The following WDR41 variants were observed in gnomAD, a reference collection of about 807,000 sequenced individuals.
WDR41 encodes the protein WD repeat-containing protein 41.
In WDR41, 63 loss-of-function variants were observed where a neutral mutation model predicts 69.3. The observed-to-expected ratio is 0.91, with a 90% CI of 0.74 to 1.12. The LOEUF is 1.12. Among genes scored for constraint, WDR41 ranks in the 50% most tolerant of loss-of-function variants. WDR41 has a pLI of 0.00. For synonymous variants in WDR41, 185 were observed against 192.1 expected (o/e 0.96, Z 0.31); for missense variants, 543 against 534.5 (o/e 1.02, Z -0.16).
At chr5:77,510,766 A>ATTTTTTTTTTTTTTTTTTTTTTTTTTT (rs58752727) in intron 1 of WDR41, among the ~76,000 whole-genome samples, 1 of 99,588 alleles carries the variant, frequency 1.0e-5, no homozygotes. Context: ...TCCAAATTCA[A>ATTTTTTTTTTTTTTTTTTTTTTTTTTT]TTTTTTTTTT....
At chr5:77,518,658 T>C (rs1443385849) in intron 1 of WDR41, among the ~76,000 whole-genome samples, 2 of 152,148 alleles carry the variant, frequency 1.3e-5, no homozygotes, top group Non-Finnish European at 2.9e-5. Flanking sequence ...TTAATTTGTT[T>C]ATTTATTCAT....
At chr5:77,548,114 C>T (rs1743230311) in intron 1 of WDR41, among the ~76,000 whole-genome samples, 1 of 152,140 alleles carries the variant, frequency 6.6e-6, no homozygotes, top group African/African-American at 2.4e-5. Context: ...TCATATCTCA[C>T]CTTATACAAA....
chr5:77,588,824 C>T (rs187552385), intron 1 of WDR41, among the ~76,000 whole-genome samples: 16 of 152,214 alleles, frequency 1.1e-4, no homozygotes, highest in East Asian at 1.9e-4. Flanking sequence ...ATTGTTGATT[C>T]GTTAACAATA....
At chr5:77,549,269 A>G (rs1743255187) in intron 1 of WDR41, among the ~76,000 whole-genome samples, 1 of 152,210 alleles carries the variant, frequency 6.6e-6, no homozygotes, top group Non-Finnish European at 1.5e-5. Flanking sequence ...CTGTTCCCCA[A>G]TAACCTATGG....
intron 1 of WDR41, among the ~76,000 whole-genome samples, chr5:77,597,999 A>G (rs1055105677): frequency 2.0e-5 from 3 of 152,222 alleles, no homozygotes; most frequent in African/African-American, 7.2e-5. Flanking sequence ...GAAATTGGGC[A>G]GTGACTTAAC....
At chr5:77,572,062 T>C (rs543889609) in intron 1 of WDR41, among the ~76,000 whole-genome samples, 1 of 151,904 alleles carries the variant, frequency 6.6e-6, no homozygotes, top group Admixed American at 6.6e-5. Context: ...ATGAAACCAA[T>C]CTTGAAAAAC....
At chr5:77,525,272 A>G (rs1207859335) in intron 1 of WDR41, among the ~76,000 whole-genome samples, 1 of 152,242 alleles carries the variant, frequency 6.6e-6, no homozygotes, top group African/African-American at 2.4e-5. Flanking sequence ...ATGAAATTAA[A>G]TTAAATGTCA....
rs553576537 is a variant in WDR41 at position 77,523,911 on chromosome 5, A to T, written c.43-34339T>A. 1.4e-3 allele frequency among the ~76,000 whole-genome samples: 212 copies of T among 152,352 alleles called. 1 individual carries two copies. The highest frequency in any genetic ancestry group is 4.7e-3 in the Admixed American group (72 of 15,304). On this transcript the variant is annotated intron_variant, in intron 1 of 5. Transcript: ENST00000509971. Reference sequence around the variant, plus strand: ...GAACTAAGAGGATTTGAATTATCTGATCCTTTTATTAAAGAGAAAGGGAGC... The same window carrying T: ...GAACTAAGAGGATTTGAATTATCTGTTCCTTTTATTAAAGAGAAAGGGAGC...
chr5:77,515,788 A>G (rs553117188), intron 1 of WDR41, among the ~76,000 whole-genome samples: 2 of 152,330 alleles, frequency 1.3e-5, no homozygotes, highest in African/African-American at 2.4e-5. Context: ...ATAGGATTAT[A>G]TTTATTGAGA....
chr5:77,513,732 T>C (rs1248867669), intron 1 of WDR41, among the ~76,000 whole-genome samples: 1 of 152,188 alleles, frequency 6.6e-6, no homozygotes, highest in Non-Finnish European at 1.5e-5. Context: ...TTCCACATAG[T>C]ATTTGCCAGC....
At chr5:77,530,948 C>G (rs909077539) in intron 1 of WDR41, among the ~76,000 whole-genome samples, 10 of 151,568 alleles carry the variant, frequency 6.6e-5, no homozygotes, top group African/African-American at 2.4e-4. Context: ...CAACTGGATA[C>G]TCACATGCAA....
chr5:77,525,410 C>T (rs1802431100), intron 1 of WDR41, among the ~76,000 whole-genome samples: 3 of 152,272 alleles, frequency 2.0e-5, no homozygotes, highest in South Asian at 4.1e-4. Context: ...ATAGAAGTTC[C>T]TACCTTGAAG....
At chr5:77,455,299 C>A (rs952089979) in intron 5 of WDR41, among the ~76,000 whole-genome samples, 1 of 152,098 alleles carries the variant, frequency 6.6e-6, no homozygotes, top group African/African-American at 2.4e-5. Flanking sequence ...AAATTTCTTT[C>A]TTTCAAATCT....
At chr5:77,578,393 T>C (rs1267082379) in intron 1 of WDR41, among the ~76,000 whole-genome samples, 1 of 152,126 alleles carries the variant, frequency 6.6e-6, no homozygotes, top group Non-Finnish European at 1.5e-5. Flanking sequence ...TTAGTATCCA[T>C]AGTACTACAT....
At chr5:77,494,031 AGGGTGG>A (rs1309728629), upstream of WDR41, among the ~76,000 whole-genome samples, 1 of 149,942 alleles carries the variant, frequency 6.7e-6, no homozygotes, top group Non-Finnish European at 1.5e-5. Context: ...ATCAATAGAA[AGGGTGG>A]GGGTGGAGCA....
intron 1 of WDR41, among the ~76,000 whole-genome samples, chr5:77,508,146 G>T (rs757553852): frequency 1.8e-4 from 28 of 151,910 alleles, no homozygotes; most frequent in Non-Finnish European, 2.8e-4. Context: ...TGGAGACAGG[G>T]TGTTACTCTC....
chr5:77,588,500 T>A (rs1490953299), intron 1 of WDR41, among the ~76,000 whole-genome samples: 6 of 152,076 alleles, frequency 3.9e-5, no homozygotes, highest in African/African-American at 1.5e-4. Flanking sequence ...TACTTCAATT[T>A]GGATATTTCC....
chr5:77,541,551 G>T (rs1743089244), intron 1 of WDR41, among the ~76,000 whole-genome samples: 1 of 145,496 alleles, frequency 6.9e-6, no homozygotes, highest in Non-Finnish European at 1.5e-5. Context: ...AGAGTGCAGT[G>T]GCGCGATCTT....
rs1798792663 is a variant in WDR41 at position 77,433,159 on chromosome 5, A to T, written c.1356T>A (p.Asn452Lys). ...ACTAGACAGCAAGGTATAAGTCACC[A>T]TTCTCCTCTAATTTTTGAAATAATC... ...SLRLFQKLEE[N>K]GDLYLAV The change falls in exon 13 of 13, where the codon AAT (asparagine) becomes AAA (lysine). Residue 452 changes from asparagine (N) to lysine (K), a missense_variant. By Grantham distance (94) the Asn-to-Lys change is moderately conservative. Transcript: ENST00000296679. 7 of 1,613,498 alleles carry T rather than the reference A, an allele frequency of 4.3e-6. No individual in the cohort carries two copies. In the East Asian group the frequency reaches 1.6e-4, roughly 36 times the overall value.
Sources: gnomAD v4.1 joint callset for allele counts (sites outside exome capture counted in the v4.1 genomes callset) on GRCh38, gnomAD v4.1.1 for gene constraint, MANE v1.5 for transcripts, NCBI Gene and HGNC (gene_info 2026-07-23, HGNC 2026-07-21) for gene names.